FRMD4A: variants seen among roughly 807,000 people sequenced by gnomAD.
FRMD4A encodes FERM domain-containing protein 4A.
In FRMD4A, 29 loss-of-function variants were observed where a neutral mutation model predicts 129.1. The ratio of observed to expected loss-of-function variants is 0.22; its 90% CI spans 0.17 to 0.31. FRMD4A has a LOEUF of 0.31. Ranked by LOEUF, FRMD4A falls within the 10% of genes least tolerant of loss-of-function variation. FRMD4A has a pLI of 1.00. For synonymous variants in FRMD4A, 634 were observed against 571.6 expected, an observed-to-expected ratio of 1.11 and a Z score of -1.56; for missense variants, 1,272 against 1,375.8, an observed-to-expected ratio of 0.92 and a Z score of 1.19.
At chr10:13,985,773 C>T (rs1487836619) in intron 2 of FRMD4A, among the ~76,000 whole-genome samples, 1 of 152,214 alleles carries the variant, frequency 6.6e-6, no homozygotes, top group Admixed American at 6.5e-5. Context: ...CCATCCTAAG[C>T]CTTTGACACA....
intron 2 of FRMD4A, among the ~76,000 whole-genome samples, chr10:14,131,552 A>G (rs1467039790): frequency 6.6e-6 from 1 of 152,212 alleles, no homozygotes; most frequent in African/African-American, 2.4e-5. Flanking sequence ...AACTTAGTTA[A>G]GTGCCTGTGG....
chr10:13,680,651 C>T (rs1052855170), intron 15 of FRMD4A, among the ~76,000 whole-genome samples: 3 of 152,018 alleles, frequency 2.0e-5, no homozygotes, highest in East Asian at 1.9e-4. Context: ...GCTTGAACCT[C>T]GGAGGCGGAG....
At chr10:13,679,458 A>AAAAAT (rs1554838339) in intron 15 of FRMD4A, among the ~76,000 whole-genome samples, 8 of 24,552 alleles carry the variant, frequency 3.3e-4, no homozygotes, top group South Asian at 2.4e-3. Flanking sequence ...AAAAAAAAAA[A>AAAAAT]AAATATATAT....
At chr10:14,131,906 C>T (rs1258610607) in intron 2 of FRMD4A, among the ~76,000 whole-genome samples, 1 of 152,152 alleles carries the variant, frequency 6.6e-6, no homozygotes, top group Non-Finnish European at 1.5e-5. Flanking sequence ...CCTCCATCGC[C>T]CTGACCGAAG....
In FRMD4A at chr10:14,253,769, T is replaced by C. The variant is rs60026185; in HGVS notation, c.45+76289A>G. On this transcript the variant is annotated intron_variant, in intron 2 of 24. Transcript: ENST00000357447. ...CTTTTCCTTCTCCCTCCTCTTATTGTTTTGCTCTTGGTTTCTCTAGGACCA... is the reference window on the plus strand; with the variant it reads ...CTTTTCCTTCTCCCTCCTCTTATTGCTTTGCTCTTGGTTTCTCTAGGACCA... Among the ~76,000 whole-genome samples, 1,438 of 152,296 alleles carry C rather than the reference T, an allele frequency of 9.4e-3. 26 individuals carry two copies. Among genetic ancestry groups the C allele is most frequent in the African/African-American group, 0.033 (1,356 of 41,570 alleles).
At chr10:13,906,459 A>G (rs1405926915) in intron 2 of FRMD4A, among the ~76,000 whole-genome samples, 5 of 152,206 alleles carry the variant, frequency 3.3e-5, no homozygotes, top group African/African-American at 4.8e-5. Flanking sequence ...ACTCATAGGC[A>G]TGCTATGAGG....
chr10:13,984,211 T>C (rs546543513), intron 2 of FRMD4A, among the ~76,000 whole-genome samples: 5 of 152,184 alleles, frequency 3.3e-5, no homozygotes, highest in Non-Finnish European at 5.9e-5. Flanking sequence ...GCAGCCCACA[T>C]GGCGGGGTTT....
At chr10:13,694,812 A>C (rs192914382) in intron 14 of FRMD4A, among the ~76,000 whole-genome samples, 1 of 149,966 alleles carries the variant, frequency 6.7e-6, no homozygotes, top group Non-Finnish European at 1.5e-5. Flanking sequence ...ATTGCACCCC[A>C]GCCTGGGCAA....
chr10:14,266,757 T>C (rs1316873619), intron 2 of FRMD4A, among the ~76,000 whole-genome samples: 1 of 152,200 alleles, frequency 6.6e-6, no homozygotes, highest in Non-Finnish European at 1.5e-5. Flanking sequence ...AGAAATGTAA[T>C]TGCAAATGTA....
At chr10:14,324,145 C>A (rs375539602) in intron 2 of FRMD4A, among the ~76,000 whole-genome samples, 1 of 152,200 alleles carries the variant, frequency 6.6e-6, no homozygotes, top group Admixed American at 6.5e-5. Flanking sequence ...AGAAACAGGT[C>A]CAGCAGAAAA....
At chr10:14,141,160 C>T (rs1443756742) in intron 2 of FRMD4A, among the ~76,000 whole-genome samples, 1 of 152,100 alleles carries the variant, frequency 6.6e-6, no homozygotes, top group African/African-American at 2.4e-5. Context: ...GGTGCTTTAT[C>T]GGGTACCTGT....
At chr10:14,128,886 A>T (rs74125303) in intron 2 of FRMD4A, among the ~76,000 whole-genome samples, 6,535 of 152,200 alleles carry the variant, frequency 0.043, 412 homozygotes, top group African/African-American at 0.14. Context: ...AGTCAGACGA[A>T]GTAAAGAACC....
At chr10:14,248,356 C>A (rs1425249895) in intron 2 of FRMD4A, among the ~76,000 whole-genome samples, 2 of 152,310 alleles carry the variant, frequency 1.3e-5, no homozygotes, top group African/African-American at 4.8e-5. Flanking sequence ...ATATTTAAAA[C>A]CACATACTAT....
intron 2 of FRMD4A, among the ~76,000 whole-genome samples, chr10:13,989,545 T>G (rs1359225159): frequency 6.6e-6 from 1 of 152,172 alleles, no homozygotes; most frequent in Non-Finnish European, 1.5e-5. Context: ...GCCAAGAAGA[T>G]CTCAATCTCT....
At chr10:14,189,811 A>AACT (rs1842262048) in intron 2 of FRMD4A, among the ~76,000 whole-genome samples, 1 of 152,226 alleles carries the variant, frequency 6.6e-6, no homozygotes, top group Admixed American at 6.5e-5. Context: ...GACAGATCTT[A>AACT]ACTCAGCCTG....
chr10:13,710,488 C>T (rs2087908546), intron 12 of FRMD4A: 1 of 152,346 alleles, frequency 6.6e-6, no homozygotes, highest in Non-Finnish European at 1.5e-5. Context: ...AAGGCCCTGC[C>T]TCCAGCTTCT....
intron 2 of FRMD4A, among the ~76,000 whole-genome samples, chr10:14,129,865 C>A (rs1335920538): frequency 6.6e-6 from 1 of 152,210 alleles, no homozygotes; most frequent in Non-Finnish European, 1.5e-5. Flanking sequence ...TCCTTGCCTG[C>A]AAGCTGCCAG....
intron 8 of FRMD4A, among the ~76,000 whole-genome samples, chr10:13,752,233 C>T (rs570798042): frequency 6.6e-6 from 1 of 152,158 alleles, no homozygotes; most frequent in East Asian, 1.9e-4. Context: ...AGATGATGTG[C>T]CTGTCTTCTG....
At position 14,228,900 on chromosome 10, in the gene FRMD4A, G is replaced by A. The variant is rs567314970; in HGVS notation, c.45+101158C>T. On this transcript the variant is annotated intron_variant, in intron 2 of 24. Transcript: ENST00000357447. ...AGAACTTCTGGATCAGATGATCCAA[G>A]GTTGCTTTGTTATTTAGTTTAAAGC... is the stretch of plus-strand genomic sequence containing the variant. Among the ~76,000 whole-genome samples the A allele has an allele frequency of 1.2e-4, 18 of 152,264 alleles. 1 individual carries two copies. The South Asian group carries it at 3.7e-3, about 32-fold the overall frequency.
Sources: allele counts gnomAD v4.1 joint callset (sites outside exome capture counted in the v4.1 genomes callset), GRCh38; gene constraint gnomAD v4.1.1; transcripts MANE v1.5; gene names NCBI Gene and HGNC (gene_info 2026-07-23, HGNC 2026-07-21).